Variants in ADGRL3 observed in about 807,000 individuals in gnomAD.
ADGRL3 encodes the protein calcium-independent alpha-latrotoxin receptor 3.
Under a neutral mutation model 153.5 loss-of-function variants are expected in ADGRL3, and 62 were observed. That is an observed-to-expected ratio of 0.40 (90% confidence interval 0.33 to 0.50). The LOEUF (loss-of-function observed/expected upper bound fraction) is 0.50. Ranked by LOEUF, ADGRL3 falls within the 20% of genes least tolerant of loss-of-function variation. ADGRL3 has a pLI of 0.47. For synonymous variants in ADGRL3, 710 were observed against 672.5 expected (o/e 1.06, Z -0.86); for missense variants, 1,641 against 1,859.4 (o/e 0.88, Z 2.16).
chr4:61,202,468 G>A lies in ADGRL3; in HGVS notation c.-240+703G>A, dbSNP rs1434231798. Among the ~76,000 whole-genome samples, 6 of 152,154 alleles carry A rather than the reference G, an allele frequency of 3.9e-5. No individual in the cohort carries two copies. Among genetic ancestry groups the A allele is most frequent in the Non-Finnish European group, 8.8e-5 (6 of 68,032 alleles). On this transcript the variant is annotated intron_variant, in intron 1 of 26. Coordinates refer to ENST00000683033, the MANE Select transcript of ADGRL3 (RefSeq NM_001387552.1). This position sits in a 1 kb window ranked among gnomAD's most constrained non-coding sequence, Gnocchi z 5.0. ...TTGGCTGGAGAAAGCTGCCACTTTC[G>A]TGGGTGGCCCGGGCTGCGCTGTGCT...
chr4:61,383,564 G>GT (rs1271170510), intron 2 of ADGRL3, among the ~76,000 whole-genome samples: 4 of 151,472 alleles, frequency 2.6e-5, no homozygotes, highest in African/African-American at 9.7e-5. Flanking sequence ...ACCATATTGA[G>GT]TTTTTTTCAG....
intron 5 of ADGRL3, 73 bp downstream of exon 5, chr4:61,587,513 G>T: frequency 9.0e-7 from 1 of 1,110,206 alleles, no homozygotes. Flanking sequence ...TACATGTTAA[G>T]CATAAGAACA....
At chr4:62,011,781 ATTAC>A (rs996575391) in intron 21 of ADGRL3, among the ~76,000 whole-genome samples, 12 of 152,102 alleles carry the variant, frequency 7.9e-5, no homozygotes, top group African/African-American at 2.7e-4. Context: ...CCAGTTAGTT[ATTAC>A]TTAAAGTCAA....
At chr4:61,510,984 CT>C (rs1263172159) in intron 3 of ADGRL3, among the ~76,000 whole-genome samples, 1 of 152,064 alleles carries the variant, frequency 6.6e-6, no homozygotes, top group Non-Finnish European at 1.5e-5. Flanking sequence ...TTTCACCCCC[CT>C]GATTAGATGG....
intron 2 of ADGRL3, among the ~76,000 whole-genome samples, chr4:61,433,187 A>G (rs961289275): frequency 2.0e-5 from 3 of 152,164 alleles, no homozygotes; most frequent in Non-Finnish European, 2.9e-5. Flanking sequence ...TTGTCAGACC[A>G]TAATAGATTG....
intron 2 of ADGRL3, among the ~76,000 whole-genome samples, chr4:61,417,531 C>T (rs1045738963): frequency 6.6e-6 from 1 of 150,552 alleles, no homozygotes; most frequent in African/African-American, 2.4e-5. Context: ...CAAAAAAAAT[C>T]GAAGAGGTCC....
At chr4:61,996,464 G>A in intron 20 of ADGRL3, 107 bp downstream of exon 20, 1 of 757,048 alleles carries the variant, frequency 1.3e-6, no homozygotes, top group Non-Finnish European at 2.3e-6. Flanking sequence ...GGGAAAGCAT[G>A]TACTTATTTG....
chr4:61,948,013 A>G, intron 16 of ADGRL3, 87 bp from the exon 17 acceptor site: 3 of 1,068,630 alleles, frequency 2.8e-6, no homozygotes, highest in Middle Eastern at 2.1e-4. Context: ...CAGAATATGA[A>G]GTTGTATTAT....
intron 2 of ADGRL3, among the ~76,000 whole-genome samples, chr4:61,477,020 A>T (rs1028110210): frequency 4.6e-5 from 7 of 152,096 alleles, no homozygotes; most frequent in African/African-American, 1.7e-4. Flanking sequence ...TACAGAAATA[A>T]ATGAAAAAAT....
At chr4:61,272,280 A>G (rs1483228668) in intron 1 of ADGRL3, among the ~76,000 whole-genome samples, 3 of 152,030 alleles carry the variant, frequency 2.0e-5, no homozygotes, top group African/African-American at 4.8e-5. Flanking sequence ...AATTTTAATG[A>G]CAAAATTTTC....
chr4:61,559,129 G>A (rs537639096), intron 4 of ADGRL3, among the ~76,000 whole-genome samples: 2 of 152,158 alleles, frequency 1.3e-5, no homozygotes, highest in South Asian at 2.1e-4. Flanking sequence ...AAGAAGAAAT[G>A]AGACAGTTTA....
chr4:61,409,760 A>C (rs1043622360), intron 2 of ADGRL3, among the ~76,000 whole-genome samples: 1 of 151,988 alleles, frequency 6.6e-6, no homozygotes, highest in Non-Finnish European at 1.5e-5. Context: ...AATAAAATTG[A>C]CAATGATTTG....
intron 9 of ADGRL3, among the ~76,000 whole-genome samples, chr4:61,814,987 A>C (rs926455541): frequency 6.6e-6 from 1 of 152,122 alleles, no homozygotes; most frequent in African/African-American, 2.4e-5. Flanking sequence ...TCCCTGAGCC[A>C]TCGGGTCTGC....
intron 2 of ADGRL3, among the ~76,000 whole-genome samples, chr4:61,439,643 C>T (rs542671348): frequency 1.3e-5 from 2 of 152,168 alleles, no homozygotes; most frequent in South Asian, 4.2e-4. Context: ...TGTAATGTTC[C>T]CCTCCCTATA....
At chr4:61,245,537 T>G (rs1756718909) in intron 1 of ADGRL3, among the ~76,000 whole-genome samples, 1 of 152,076 alleles carries the variant, frequency 6.6e-6, no homozygotes, top group African/African-American at 2.4e-5. Context: ...CATTATTGTT[T>G]ATGCCTTTCT....
intron 2 of ADGRL3, among the ~76,000 whole-genome samples, chr4:61,451,381 G>A (rs1444615786): frequency 6.6e-6 from 1 of 152,072 alleles, no homozygotes; most frequent in Non-Finnish European, 1.5e-5. Flanking sequence ...CTCTGAATGA[G>A]GAAGGATTTA....
intron 22 of ADGRL3, among the ~76,000 whole-genome samples, chr4:62,030,491 G>A (rs1721423282): frequency 6.6e-6 from 1 of 151,534 alleles, no homozygotes; most frequent in African/African-American, 2.4e-5. Context: ...AGTCCCATCT[G>A]TTGCAAGAAC....
chr4:62,059,005 A>G (rs967329738), intron 25 of ADGRL3, among the ~76,000 whole-genome samples: 1 of 152,198 alleles, frequency 6.6e-6, no homozygotes, highest in Non-Finnish European at 1.5e-5. Context: ...GCAAGATTTT[A>G]GTTAAAAGAT....
At chr4:61,338,070 GC>G (rs974131619) in intron 1 of ADGRL3, among the ~76,000 whole-genome samples, 1 of 151,934 alleles carries the variant, frequency 6.6e-6, no homozygotes, top group African/African-American at 2.4e-5. Flanking sequence ...TTCAAGACCA[GC>G]CCGGTAAACA....
Sources: gnomAD v4.1 joint callset for allele counts (sites outside exome capture counted in the v4.1 genomes callset) on GRCh38, gnomAD v4.1.1 for gene constraint, Gnocchi (gnomAD v3.1) non-coding constraint, MANE v1.5 for transcripts, NCBI Gene and HGNC (gene_info 2026-07-23, HGNC 2026-07-21) for gene names.